DLG2: variants seen among roughly 807,000 people sequenced by gnomAD.
The protein encoded by DLG2 is disks large homolog 2.
Under a neutral mutation model 132.5 loss-of-function variants are expected in DLG2, and 45 were observed. The observed-to-expected ratio is 0.34, with a 90% CI of 0.27 to 0.44. The LOEUF is 0.44. Ranked by LOEUF, DLG2 falls within the 20% of genes least tolerant of loss-of-function variation. The pLI, the probability that DLG2 is intolerant of heterozygous loss-of-function variation, is 1.00. For synonymous variants in DLG2, 424 were observed against 419.6 expected (o/e 1.01, Z -0.13); for missense variants, 1,045 against 1,196.9 (o/e 0.87, Z 1.87).
At chr11:84,052,469 C>T (rs1242101257) in intron 11 of DLG2, among the ~76,000 whole-genome samples, 1 of 151,400 alleles carries the variant, frequency 6.6e-6, no homozygotes, top group Non-Finnish European at 1.5e-5. Context: ...GTCTAACATC[C>T]AGAATCTACA....
intron 19 of DLG2, among the ~76,000 whole-genome samples, chr11:83,606,633 T>A (rs2059366041): frequency 6.8e-6 from 1 of 147,370 alleles, no homozygotes; most frequent in Non-Finnish European, 1.5e-5. Context: ...TAGTGTTTGT[T>A]AAAAAAAAAA....
chr11:83,820,250 A>G (rs1413797167), intron 17 of DLG2, among the ~76,000 whole-genome samples: 1 of 152,176 alleles, frequency 6.6e-6, no homozygotes, highest in East Asian at 1.9e-4. Context: ...GAAAAAAAGT[A>G]TAAGAAAAGA....
chr11:84,418,037 AG>A (rs2154462853), intron 7 of DLG2, among the ~76,000 whole-genome samples: 1 of 152,272 alleles, frequency 6.6e-6, no homozygotes, highest in South Asian at 2.1e-4. Context: ...TCAATGTCCA[AG>A]TTTCTTATAA....
At chr11:84,114,759 A>G (rs1312705704) in intron 9 of DLG2, among the ~76,000 whole-genome samples, 4 of 150,994 alleles carry the variant, frequency 2.6e-5, no homozygotes. Context: ...ATCTCTGCTC[A>G]CTACAACTTC....
intron 6 of DLG2, among the ~76,000 whole-genome samples, chr11:85,035,559 C>A (rs1420823856): frequency 6.6e-6 from 1 of 152,118 alleles, no homozygotes; most frequent in African/African-American, 2.4e-5. Context: ...CATGAAACCA[C>A]CCCCATGATC....
intron 18 of DLG2, among the ~76,000 whole-genome samples, chr11:83,678,477 C>G (rs566117011): frequency 6.6e-6 from 1 of 152,286 alleles, no homozygotes; most frequent in South Asian, 2.1e-4. Context: ...GTGTGGACAT[C>G]TCAGCTCATG....
At position 84,347,289 on chromosome 11, in the gene DLG2, A is replaced by G. The variant is rs534270406; in HGVS notation, c.520-95998T>C. 3.3e-4 allele frequency among the ~76,000 whole-genome samples: 50 copies of G among 152,342 alleles called. No homozygotes were observed. In the South Asian group the frequency reaches 9.7e-3, roughly 30 times the overall value. ...ACTTGAGAATATTAACATATGTAAT[A>G]CATTGTATATCGAGATTTCTATCAT... On this transcript the variant is annotated intron_variant, in intron 7 of 27. Coordinates refer to ENST00000376104, the MANE Select transcript of DLG2 (RefSeq NM_001142699.3).
At position 84,661,730 on chromosome 11, in the gene DLG2, A is replaced by C. The variant is rs140849604; in HGVS notation, c.358-126999T>G. On this transcript the variant is annotated intron_variant, in intron 6 of 27. Transcript: ENST00000376104. Reference sequence around the variant, plus strand: ...AAATGGTGTTGAGGGAGGGAGATTCAGAGATTCAGAGAGACTGAGAGAGAT... The same window carrying C: ...AAATGGTGTTGAGGGAGGGAGATTCCGAGATTCAGAGAGACTGAGAGAGAT... Among the ~76,000 whole-genome samples the C allele has an allele frequency of 1.2e-4, 19 of 152,248 alleles. No individual in the cohort carries two copies. The East Asian group carries it at 3.5e-3, about 28-fold the overall frequency.
At chr11:84,812,735 G>A (rs934845159) in intron 6 of DLG2, among the ~76,000 whole-genome samples, 1 of 152,094 alleles carries the variant, frequency 6.6e-6, no homozygotes, top group Non-Finnish European at 1.5e-5. Context: ...CAGCCTCTGG[G>A]TGGTTCTCTT....
At chr11:84,848,152 A>G (rs182696771) in intron 6 of DLG2, among the ~76,000 whole-genome samples, 9 of 152,244 alleles carry the variant, frequency 5.9e-5, no homozygotes, top group Admixed American at 5.9e-4. Context: ...CCTTGCCCCC[A>G]GAACAGTGAG....
intron 16 of DLG2, among the ~76,000 whole-genome samples, chr11:83,842,732 C>T (rs1304283077): frequency 6.7e-6 from 1 of 148,608 alleles, no homozygotes; most frequent in Non-Finnish European, 1.5e-5. Context: ...AGGAGAATGG[C>T]GTGAACCTGG....
chr11:84,680,260 T>C (rs903148295), intron 6 of DLG2, among the ~76,000 whole-genome samples: 4 of 152,138 alleles, frequency 2.6e-5, no homozygotes, highest in South Asian at 2.1e-4. Flanking sequence ...ACCAGTTATG[T>C]CTATCCCTTT....
intron 6 of DLG2, among the ~76,000 whole-genome samples, chr11:84,573,612 T>A (rs2099491181): frequency 6.6e-6 from 1 of 152,176 alleles, no homozygotes; most frequent in African/African-American, 2.4e-5. Flanking sequence ...CTTTCTCAAA[T>A]ACCACCATTC....
chr11:84,537,719 C>A (rs1467821337), intron 6 of DLG2, among the ~76,000 whole-genome samples: 2 of 152,170 alleles, frequency 1.3e-5, no homozygotes, highest in Non-Finnish European at 2.9e-5. Context: ...CTTGTAAGGA[C>A]TGGGACCACA....
intron 6 of DLG2, among the ~76,000 whole-genome samples, chr11:84,816,384 C>A (rs916414887): frequency 5.3e-5 from 8 of 151,816 alleles, no homozygotes; most frequent in Non-Finnish European, 7.4e-5. Context: ...CAAATAGAGC[C>A]AAGAATCTTG....
intron 14 of DLG2, among the ~76,000 whole-genome samples, chr11:83,947,253 T>A (rs1165260591): frequency 6.6e-6 from 1 of 152,190 alleles, no homozygotes; most frequent in Non-Finnish European, 1.5e-5. Context: ...TTTTTTAAGT[T>A]TTTAAATGAA....
At chr11:84,536,537 C>T (rs542959364) in intron 6 of DLG2, among the ~76,000 whole-genome samples, 16 of 152,182 alleles carry the variant, frequency 1.1e-4, no homozygotes, top group Non-Finnish European at 2.1e-4. Context: ...GCCTCAGAAA[C>T]ATGGATCAAA....
chr11:85,403,700 C>A (rs2088430875), intron 3 of DLG2, among the ~76,000 whole-genome samples: 1 of 151,872 alleles, frequency 6.6e-6, no homozygotes, highest in Non-Finnish European at 1.5e-5. Context: ...TGGAAACCAA[C>A]AGAAATCTTT....
At chr11:84,998,125 T>C (rs754252945) in intron 6 of DLG2, among the ~76,000 whole-genome samples, 1 of 152,090 alleles carries the variant, frequency 6.6e-6, no homozygotes, top group African/African-American at 2.4e-5. Context: ...ATTAGGTTGG[T>C]GCAAAAGTAA....
Sources: allele counts gnomAD v4.1 joint callset (sites outside exome capture counted in the v4.1 genomes callset), GRCh38; gene constraint gnomAD v4.1.1; transcripts MANE v1.5; gene names NCBI Gene and HGNC (gene_info 2026-07-23, HGNC 2026-07-21).